Variants in ATP9B observed in about 807,000 individuals in gnomAD.
ATP9B encodes ATPase phospholipid transporting 9B, also known as probable phospholipid-transporting ATPase IIB.
Under a neutral mutation model 146.1 loss-of-function variants are expected in ATP9B, and 110 were observed. The observed-to-expected ratio is 0.75, with a 90% CI of 0.65 to 0.88. ATP9B has a LOEUF of 0.88. Ranked by LOEUF, ATP9B falls within the 40% of genes least tolerant of loss-of-function variation. The pLI is 0.00. For synonymous variants in ATP9B, 604 were observed against 569.7 expected (o/e 1.06, Z -0.86); for missense variants, 1,499 against 1,496.4 (o/e 1.00, Z -0.03).
intron 7 of ATP9B, among the ~76,000 whole-genome samples, chr18:79,167,579 C>T (rs1013717619): frequency 4.6e-5 from 7 of 152,110 alleles, no homozygotes; most frequent in African/African-American, 9.7e-5. Context: ...GTGGGTAGCT[C>T]CTTCCCACAG....
intron 12 of ATP9B, among the ~76,000 whole-genome samples, chr18:79,263,129 G>A (rs571761492): frequency 1.5e-4 from 23 of 152,212 alleles, no homozygotes; most frequent in African/African-American, 5.5e-4. Flanking sequence ...ACAATGTAAT[G>A]TTTTGGTATA....
chr18:79,268,136 A>G (rs553684996), intron 12 of ATP9B, among the ~76,000 whole-genome samples: 5 of 152,130 alleles, frequency 3.3e-5, no homozygotes, highest in South Asian at 4.1e-4. Flanking sequence ...ATTAAATTCT[A>G]CTTTGTTTTG....
chr18:79,256,257 C>CTATATATATATATATATATA lies in ATP9B; in HGVS notation c.1268+2727_1268+2746dup, dbSNP rs10531617. Among the ~76,000 whole-genome samples the CTATATATATATATATATATA allele has an allele frequency of 2.8e-3, 276 of 100,248 alleles. 5 individuals are homozygous for CTATATATATATATATATATA. The highest frequency in any genetic ancestry group is 8.0e-3 in the East Asian group (28 of 3,510). The allele number at this position is 100,248 out of a possible 152,430, so 65.8% of individuals were successfully genotyped here. A position where few individuals can be genotyped will look rare whatever the true frequency, so the allele number is the denominator to read the frequency against. ...ATGCCATTTTGTGAATTCTAGCTAGCTATATATATATATATATATATATAT... is the reference window on the plus strand; with the variant it reads ...ATGCCATTTTGTGAATTCTAGCTAGCTATATATATATATATATATATATATATATATATATATATATATAT... On this transcript the variant is annotated intron_variant, in intron 12 of 29. Transcript: ENST00000426216.
At chr18:79,345,727 G>C (rs781698949) in intron 22 of ATP9B, 48 bp from the exon 23 acceptor site, 1 of 1,610,354 alleles carries the variant, frequency 6.2e-7, no homozygotes, top group Non-Finnish European at 8.5e-7. Context: ...AATGAAAAAC[G>C]TGATGATGGA....
intron 1 of ATP9B, among the ~76,000 whole-genome samples, chr18:79,081,485 A>G (rs974066401): frequency 1.3e-5 from 2 of 151,248 alleles, no homozygotes; most frequent in South Asian, 2.1e-4. Flanking sequence ...TATTGTGTCT[A>G]TTTGATTCTT....
chr18:79,113,386 T>G, intron 4 of ATP9B, 32 bp downstream of exon 4: 1 of 1,256,984 alleles, frequency 8.0e-7, no homozygotes, highest in East Asian at 2.4e-5. Context: ...TAAGTTAAAT[T>G]ATGAAATATT....
chr18:79,305,044 A>G (rs533905130), intron 14 of ATP9B, among the ~76,000 whole-genome samples: 1 of 151,940 alleles, frequency 6.6e-6, no homozygotes, highest in African/African-American at 2.4e-5. Context: ...GCCACCCTTC[A>G]AAAGTGTACA....
intron 5 of ATP9B, among the ~76,000 whole-genome samples, chr18:79,129,188 C>T (rs1053009966): frequency 2.6e-5 from 4 of 152,102 alleles, no homozygotes; most frequent in Non-Finnish European, 5.9e-5. Flanking sequence ...CAAAAGATGA[C>T]AGTCAAGCCA....
At chr18:79,346,658 T>C (rs1230560632) in intron 23 of ATP9B, among the ~76,000 whole-genome samples, 2 of 126,990 alleles carry the variant, frequency 1.6e-5, no homozygotes, top group African/African-American at 6.0e-5. Flanking sequence ...TCAGCATGTG[T>C]TCAGTGCACA....
At chr18:79,189,487 C>A (rs1457140113) in intron 8 of ATP9B, among the ~76,000 whole-genome samples, 1 of 152,162 alleles carries the variant, frequency 6.6e-6, no homozygotes, top group Non-Finnish European at 1.5e-5. Flanking sequence ...TTTTAACTCC[C>A]CCCAAATTTA....
At chr18:79,226,579 T>C (rs2095736474) in intron 11 of ATP9B, among the ~76,000 whole-genome samples, 1 of 152,234 alleles carries the variant, frequency 6.6e-6, no homozygotes, top group South Asian at 2.1e-4. Context: ...AACCGTTTGC[T>C]TAGGTGCCTC....
At chr18:79,215,035 C>G (rs2095614688) in intron 11 of ATP9B, among the ~76,000 whole-genome samples, 1 of 151,398 alleles carries the variant, frequency 6.6e-6, no homozygotes, top group Non-Finnish European at 1.5e-5. Context: ...GTAGTCCCCA[C>G]TACTCAGGAG....
intron 15 of ATP9B, among the ~76,000 whole-genome samples, chr18:79,327,733 G>T (rs1201676963): frequency 6.3e-4 from 81 of 127,744 alleles, no homozygotes; most frequent in African/African-American, 1.9e-3. Flanking sequence ...GCTCGCCGTG[G>T]TTAGCGTGCT....
intron 25 of ATP9B, among the ~76,000 whole-genome samples, chr18:79,349,716 G>A (rs190033685): frequency 6.6e-6 from 1 of 152,160 alleles, no homozygotes; most frequent in East Asian, 1.9e-4. Flanking sequence ...ACTGAGAGGC[G>A]CCCCCGTCAT....
At chr18:79,346,098 G>A (rs1001383889) in intron 23 of ATP9B, among the ~76,000 whole-genome samples, 10 of 142,490 alleles carry the variant, frequency 7.0e-5, no homozygotes, top group African/African-American at 2.1e-4. Context: ...GCACACACTC[G>A]GCACACGGTC....
chr18:79,088,113 A>T (rs2073997727), intron 1 of ATP9B, among the ~76,000 whole-genome samples: 1 of 152,240 alleles, frequency 6.6e-6, no homozygotes, highest in African/African-American at 2.4e-5. Context: ...GAAATGGAAT[A>T]AATTGCTTGC....
chr18:79,122,685 C>T (rs1213745337), intron 4 of ATP9B, among the ~76,000 whole-genome samples: 1 of 152,134 alleles, frequency 6.6e-6, no homozygotes. Context: ...CACCAACTTT[C>T]TTAGAACTTT....
chr18:79,208,017 G>A (rs1395606559), intron 10 of ATP9B, among the ~76,000 whole-genome samples: 1 of 152,276 alleles, frequency 6.6e-6, no homozygotes, highest in African/African-American at 2.4e-5. Context: ...AGGCCGAGGC[G>A]GGCGGATCAC....
At chr18:79,192,466 C>T (rs1412576902) in intron 8 of ATP9B, among the ~76,000 whole-genome samples, 1 of 152,154 alleles carries the variant, frequency 6.6e-6, no homozygotes, top group African/African-American at 2.4e-5. Flanking sequence ...GAGTCAGCAG[C>T]GAGAAGAGGC....
Sources: allele counts gnomAD v4.1 joint callset (sites outside exome capture counted in the v4.1 genomes callset), GRCh38; gene constraint gnomAD v4.1.1; transcripts MANE v1.5; gene names NCBI Gene and HGNC (gene_info 2026-07-23, HGNC 2026-07-21).